The following SPTLC2 variants were observed in gnomAD, a reference collection of about 807,000 sequenced individuals.
SPTLC2 encodes the protein serine palmitoyltransferase 2.
Under a neutral mutation model 62.0 loss-of-function variants are expected in SPTLC2, and 21 were observed. The ratio of observed to expected loss-of-function variants is 0.34; its 90% confidence interval spans 0.24 to 0.49. The LOEUF (loss-of-function observed/expected upper bound fraction) is 0.49. Among genes scored for constraint, SPTLC2 ranks in the 20% least tolerant of loss-of-function variants. SPTLC2 has a pLI of 0.99. For synonymous variants in SPTLC2, 261 were observed against 261.8 expected (o/e 1.00, Z 0.03); for missense variants, 511 against 713.0 (o/e 0.72, Z 3.23).
intron 9 of SPTLC2, among the ~76,000 whole-genome samples, chr14:77,549,739 C>G (rs2079546566): frequency 6.6e-6 from 1 of 152,166 alleles, no homozygotes; most frequent in African/African-American, 2.4e-5. Flanking sequence ...GAGGCAAAAA[C>G]TAGAAAACTT....
intron 5 of SPTLC2, among the ~76,000 whole-genome samples, chr14:77,569,133 A>C (rs577523015): frequency 6.6e-6 from 1 of 152,326 alleles, no homozygotes; most frequent in Admixed American, 6.5e-5. Flanking sequence ...TATCACCAGA[A>C]ATATTTCTTG....
intron 1 of SPTLC2, among the ~76,000 whole-genome samples, chr14:77,611,741 G>A (rs1009067576): frequency 3.3e-5 from 5 of 151,540 alleles, no homozygotes; most frequent in Admixed American, 1.3e-4. Context: ...CTGGAGAATC[G>A]CTTGAACCCG....
intron 9 of SPTLC2, 59 bp downstream of exon 9, chr14:77,552,037 A>C: frequency 6.2e-7 from 1 of 1,605,262 alleles, no homozygotes; most frequent in Admixed American, 1.7e-5. Flanking sequence ...GCTCAAGAAA[A>C]ACAGCACGTT....
chr14:77,598,300 T>C (rs2079859222), intron 1 of SPTLC2, among the ~76,000 whole-genome samples: 1 of 152,154 alleles, frequency 6.6e-6, no homozygotes, highest in South Asian at 2.1e-4. Context: ...ATTTTTATCA[T>C]TATTTGATTT....
intron 11 of SPTLC2, among the ~76,000 whole-genome samples, chr14:77,512,660 C>G (rs1172705760): frequency 6.6e-6 from 1 of 152,180 alleles, no homozygotes; most frequent in East Asian, 1.9e-4. Flanking sequence ...GTATGATATG[C>G]TTGGTAGAAA....
At chr14:77,541,444 A>G (rs960352283) in intron 9 of SPTLC2, among the ~76,000 whole-genome samples, 1 of 152,204 alleles carries the variant, frequency 6.6e-6, no homozygotes, top group Non-Finnish European at 1.5e-5. Context: ...GCCTACTTTC[A>G]TTTAAATTAC....
At chr14:77,531,469 T>TCCTCCTCCCCCTCCC in intron 9 of SPTLC2, among the ~76,000 whole-genome samples, 1 of 105,776 alleles carries the variant, frequency 9.5e-6, no homozygotes, top group Non-Finnish European at 1.9e-5. Flanking sequence ...CTCCTCCTCC[T>TCCTCCTCCCCCTCCC]CCTCCCCCTC....
At chr14:77,531,475 CCCTCCCCCT>C (rs2079439489) in intron 9 of SPTLC2, among the ~76,000 whole-genome samples, 1 of 88,480 alleles carries the variant, frequency 1.1e-5, no homozygotes. Flanking sequence ...CTCCTCCTCC[CCCTCCCCCT>C]CCTCCTCCTC....
At chr14:77,553,729 C>CAAAAAAAA (rs34500527) in intron 8 of SPTLC2, among the ~76,000 whole-genome samples, 10 of 96,546 alleles carry the variant, frequency 1.0e-4, no homozygotes, top group Non-Finnish European at 1.6e-4. Context: ...GGCTTGGTCT[C>CAAAAAAAA]AAAAAAAAAA....
At chr14:77,531,277 T>A (rs148455928) in intron 9 of SPTLC2, among the ~76,000 whole-genome samples, 6 of 152,170 alleles carry the variant, frequency 3.9e-5, no homozygotes, top group Non-Finnish European at 8.8e-5. Flanking sequence ...GGGCTGTGCA[T>A]GCCAACAGTG....
At chr14:77,533,705 A>G (rs996766832) in intron 9 of SPTLC2, among the ~76,000 whole-genome samples, 1 of 152,234 alleles carries the variant, frequency 6.6e-6, no homozygotes, top group Non-Finnish European at 1.5e-5. Context: ...GGAAATTTCC[A>G]AAAGTAATTT....
At chr14:77,557,722 G>T (rs1487308857) in intron 6 of SPTLC2, among the ~76,000 whole-genome samples, 1 of 152,154 alleles carries the variant, frequency 6.6e-6, no homozygotes, top group African/African-American at 2.4e-5. Flanking sequence ...GCATGTATAA[G>T]TCTGTGTGTT....
intron 9 of SPTLC2, among the ~76,000 whole-genome samples, chr14:77,544,710 A>T (rs950684843): frequency 1.3e-5 from 2 of 152,244 alleles, no homozygotes; most frequent in African/African-American, 2.4e-5. Flanking sequence ...AACTTGAGTC[A>T]GGCTCCTCTT....
At chr14:77,533,300 C>CAAA (rs35192294) in intron 9 of SPTLC2, among the ~76,000 whole-genome samples, 1 of 98,460 alleles carries the variant, frequency 1.0e-5, no homozygotes, top group African/African-American at 3.9e-5. Context: ...AACTCCGTTG[C>CAAA]AAAAAAAAAA....
intron 9 of SPTLC2, among the ~76,000 whole-genome samples, chr14:77,530,329 T>A (rs1014969140): frequency 2.2e-4 from 23 of 104,028 alleles, no homozygotes; most frequent in African/African-American, 8.6e-4. Flanking sequence ...AAAAAAAAAA[T>A]ATTTATTTAT....
intron 9 of SPTLC2, among the ~76,000 whole-genome samples, chr14:77,550,092 T>C (rs939746696): frequency 2.0e-5 from 3 of 152,222 alleles, no homozygotes; most frequent in East Asian, 1.9e-4. Flanking sequence ...AGAGGAGATA[T>C]AGCTGTTATT....
chr14:77,580,180 T>C (rs1997562), intron 2 of SPTLC2, among the ~76,000 whole-genome samples: 62,966 of 151,730 alleles, frequency 0.41, 14,419 homozygotes, highest in Non-Finnish European at 0.51. Flanking sequence ...CACTATAAAA[T>C]AGGATATAGG....
At chr14:77,553,993 C>CT (rs989055919) in intron 8 of SPTLC2, among the ~76,000 whole-genome samples, 1 of 151,908 alleles carries the variant, frequency 6.6e-6, no homozygotes, top group Non-Finnish European at 1.5e-5. Context: ...AATTTTTTTA[C>CT]TTTTTTGTAG....
chr14:77,570,899 CG>C (rs56039767), intron 4 of SPTLC2, among the ~76,000 whole-genome samples: 84,478 of 150,372 alleles, frequency 0.56, 24,771 homozygotes, highest in East Asian at 0.91. Context: ...AGAACATGGG[CG>C]GGGGGATGGG....
Sources: allele counts gnomAD v4.1 joint callset (sites outside exome capture counted in the v4.1 genomes callset), GRCh38; gene constraint gnomAD v4.1.1; transcripts MANE v1.5; gene names NCBI Gene and HGNC (gene_info 2026-07-23, HGNC 2026-07-21).